The following MED27 variants were observed in gnomAD, a reference collection of about 807,000 sequenced individuals.
The protein encoded by MED27 is mediator of RNA polymerase II transcription subunit 27.
Under a neutral mutation model 38.2 loss-of-function variants are expected in MED27, and 30 were observed. That is an observed-to-expected ratio of 0.79 (90% CI 0.59 to 1.07). The LOEUF (loss-of-function observed/expected upper bound fraction) is 1.07, where lower values mean the gene tolerates loss of function less well. Ranked by LOEUF, MED27 falls within the 50% of genes least tolerant of loss-of-function variation. The pLI, the probability that MED27 is intolerant of heterozygous loss-of-function variation, is 0.00. For missense variants in MED27, 289 were observed against 397.5 expected (o/e 0.73, Z 2.32); for synonymous variants, 122 against 153.5 (o/e 0.79, Z 1.52).
At chr9:132,040,456 T>C (rs71503134) in intron 2 of MED27, among the ~76,000 whole-genome samples, 5,721 of 152,254 alleles carry the variant, frequency 0.038, 154 homozygotes, top group Middle Eastern at 0.13. Flanking sequence ...CGGCTCCACA[T>C]GCAGAGAAGG....
intron 2 of MED27, among the ~76,000 whole-genome samples, chr9:132,033,361 ACTCC>A (rs1489213446): frequency 1.3e-5 from 2 of 152,018 alleles, no homozygotes; most frequent in African/African-American, 2.4e-5. Context: ...TTTCACTTAC[ACTCC>A]ATACTGGGCT....
intron 6 of MED27, among the ~76,000 whole-genome samples, chr9:131,881,366 C>T (rs956798021): frequency 3.9e-5 from 6 of 152,076 alleles, no homozygotes; most frequent in African/African-American, 1.2e-4. Flanking sequence ...AAAGCCTGTG[C>T]GTAACCACAC....
intron 3 of MED27, among the ~76,000 whole-genome samples, chr9:132,001,863 G>A (rs777359056): frequency 1.3e-5 from 2 of 152,208 alleles, no homozygotes; most frequent in Non-Finnish European, 2.9e-5. Context: ...CAGTGGTTCT[G>A]AGTCTCAGCT....
At chr9:131,876,750 G>A (rs958925558) in intron 6 of MED27, among the ~76,000 whole-genome samples, 3 of 152,198 alleles carry the variant, frequency 2.0e-5, no homozygotes, top group East Asian at 1.9e-4. Context: ...GAAGCCTGTC[G>A]CCAGCCCACT....
intron 2 of MED27, among the ~76,000 whole-genome samples, chr9:132,019,810 G>A (rs990388248): frequency 6.6e-6 from 1 of 152,186 alleles, no homozygotes; most frequent in Non-Finnish European, 1.5e-5. Context: ...AGAACACAGC[G>A]ATCCCCCCTG....
At position 131,862,614 on chromosome 9, in the gene MED27, C is replaced by T. The variant is rs1460830331; in HGVS notation, c.801+449G>A. 6.6e-6 allele frequency among the ~76,000 whole-genome samples: 1 copy of T among 152,138 alleles called. No individual in the cohort carries two copies. Among genetic ancestry groups the T allele is most frequent in the Non-Finnish European group, 1.5e-5 (1 of 68,026 alleles). ...ATACTGAACAGGCACTGGCAGGAGC[C>T]GGCTGCAGCACCCCATTGGAATGGC... On this transcript the variant is annotated intron_variant, in intron 7 of 7. Coordinates refer to ENST00000292035, the MANE Select transcript of MED27 (RefSeq NM_004269.4). This position sits in a 1 kb window ranked among gnomAD's most constrained non-coding sequence, Gnocchi z 4.6.
At chr9:132,074,114 T>G (rs978504160) in intron 2 of MED27, among the ~76,000 whole-genome samples, 4 of 152,232 alleles carry the variant, frequency 2.6e-5, no homozygotes, top group African/African-American at 9.6e-5. Flanking sequence ...TTTTTTGCCC[T>G]AGTCAAGAAA....
chr9:132,078,228 T>A (rs1834098137), intron 1 of MED27, among the ~76,000 whole-genome samples: 1 of 152,024 alleles, frequency 6.6e-6, no homozygotes, highest in Non-Finnish European at 1.5e-5. Context: ...GAGGGGCCAG[T>A]CCCAAACTGC....
rs553337379 is a variant in MED27 at position 132,060,070 on chromosome 9, G to A, written c.348+17372C>T. 8.1e-4 allele frequency among the ~76,000 whole-genome samples: 124 copies of A among 152,310 alleles called. 2 individuals are homozygous for A. The highest frequency in any genetic ancestry group is 1.3e-3 in the Non-Finnish European group (91 of 68,026). On this transcript the variant is annotated intron_variant, in intron 2 of 7. Coordinates refer to ENST00000292035, the MANE Select transcript of MED27 (RefSeq NM_004269.4). ...AACTGCAGAGCTTGGACTTGATCTA[G>A]TTACCTAATGCTGCTGGGAAGTTGG... is the stretch of plus-strand genomic sequence containing the variant.
intron 3 of MED27, among the ~76,000 whole-genome samples, chr9:131,968,378 G>A (rs1276672911): frequency 4.0e-5 from 6 of 151,368 alleles, no homozygotes; most frequent in Admixed American, 4.0e-4. Context: ...GGAGGCTGAG[G>A]TGGAAGCATC....
At chr9:131,886,437 C>T (rs983385358) in intron 5 of MED27, among the ~76,000 whole-genome samples, 1 of 152,126 alleles carries the variant, frequency 6.6e-6, no homozygotes, top group African/African-American at 2.4e-5. Flanking sequence ...CTCCCTACCC[C>T]CACTGCCTGC....
chr9:132,050,565 A>C (rs1408786567), intron 2 of MED27, among the ~76,000 whole-genome samples: 1 of 152,228 alleles, frequency 6.6e-6, no homozygotes, highest in Non-Finnish European at 1.5e-5. Context: ...AATCAATATA[A>C]GTTATAGATA....
intron 3 of MED27, among the ~76,000 whole-genome samples, chr9:132,013,560 T>A (rs1365600673): frequency 6.6e-6 from 1 of 152,092 alleles, no homozygotes; most frequent in Non-Finnish European, 1.5e-5. Context: ...TCCTTCCTAA[T>A]GGGAAAAAGA....
chr9:131,886,777 T>C (rs1206376192), intron 5 of MED27, among the ~76,000 whole-genome samples: 1 of 152,196 alleles, frequency 6.6e-6, no homozygotes, highest in Non-Finnish European at 1.5e-5. Flanking sequence ...ATAAATCGGG[T>C]TCGTATTACT....
At chr9:132,017,668 A>T (rs1832633240) in intron 2 of MED27, among the ~76,000 whole-genome samples, 1 of 152,216 alleles carries the variant, frequency 6.6e-6, no homozygotes, top group South Asian at 2.1e-4. Flanking sequence ...CTCCACAGGA[A>T]CAGCCATTTC....
intron 2 of MED27, among the ~76,000 whole-genome samples, chr9:132,045,882 T>C (rs1200547372): frequency 6.6e-6 from 1 of 152,202 alleles, no homozygotes; most frequent in Non-Finnish European, 1.5e-5. Flanking sequence ...GTGTTCTCTG[T>C]TCCTTCTTCT....
chr9:131,928,622 A>G (rs2131562204), intron 4 of MED27, among the ~76,000 whole-genome samples: 1 of 152,306 alleles, frequency 6.6e-6, no homozygotes, highest in South Asian at 2.1e-4. Context: ...AGTGGAGAGT[A>G]AAGCCATGCT....
intron 5 of MED27, among the ~76,000 whole-genome samples, chr9:131,891,028 A>G (rs775298899): frequency 1.3e-5 from 2 of 152,222 alleles, no homozygotes; most frequent in African/African-American, 2.4e-5. Context: ...GATAATGATG[A>G]TAACTCTGTG....
intron 3 of MED27, among the ~76,000 whole-genome samples, chr9:132,007,467 C>T (rs1175989777): frequency 6.6e-6 from 1 of 152,154 alleles, no homozygotes; most frequent in East Asian, 1.9e-4. Context: ...TTCTGCATGA[C>T]TCCACTTATA....
Sources: allele counts gnomAD v4.1 joint callset (sites outside exome capture counted in the v4.1 genomes callset), GRCh38; gene constraint gnomAD v4.1.1; non-coding constraint Gnocchi (gnomAD v3.1); transcripts MANE v1.5; gene names NCBI Gene and HGNC (gene_info 2026-07-23, HGNC 2026-07-21).